The following DCT variants were observed in gnomAD, a reference collection of about 807,000 sequenced individuals.
The protein encoded by DCT is dopachrome tautomerase.
In DCT, 47 loss-of-function variants were observed where a neutral mutation model predicts 53.0. The observed-to-expected ratio is 0.89, with a 90% CI of 0.70 to 1.13. The LOEUF is 1.13. Ranked by LOEUF, DCT falls within the 50% of genes most tolerant of loss-of-function variation. The pLI is 0.00. For synonymous variants in DCT, 244 were observed against 237.0 expected (o/e 1.03, Z -0.27); for missense variants, 669 against 637.4 (o/e 1.05, Z -0.53).
At position 94,462,196 on chromosome 13, in the gene DCT, T is replaced by C; in HGVS notation, c.864-7A>G. The C allele has an allele frequency of 6.2e-7, 1 of 1,606,238 alleles. No individual in the cohort carries two copies. The highest frequency in any genetic ancestry group is 8.5e-7 in the Non-Finnish European group (1 of 1,173,190). On this transcript the variant is annotated splice_region_variant and splice_polypyrimidine_tract_variant and intron_variant, in intron 4 of 7. Coordinates refer to ENST00000377028, the MANE Select transcript of DCT (RefSeq NM_001922.5). ...GTGGTTGTAGTCATCCAAGCTAAGA[T>C]TTGTAATAAGATTTAAAATAATATA...
At chr13:94,478,146 A>ACCCCCCCCCCCCCCCCCCCCCCCCCCCCC (rs1470108013) in intron 1 of DCT, among the ~76,000 whole-genome samples, 1 of 101,972 alleles carries the variant, frequency 9.8e-6, no homozygotes, top group Non-Finnish European at 2.1e-5. Flanking sequence ...TCTAATAACA[A>ACCCCCCCCCCCCCCCCCCCCCCCCCCCCC]CCCCCCGCCC....
chr13:94,461,720 G>A (rs896120664), intron 5 of DCT, among the ~76,000 whole-genome samples: 2 of 152,142 alleles, frequency 1.3e-5, no homozygotes, highest in Non-Finnish European at 2.9e-5. Context: ...TATATTTAAT[G>A]AAGTACCCTG....
the DCT span, among the ~76,000 whole-genome samples, chr13:94,505,222 C>T: frequency 2.0e-5 from 3 of 150,862 alleles, no homozygotes; most frequent in Non-Finnish European, 4.4e-5. Context: ...TTGACACACG[C>T]ATTTTATCAT....
upstream of DCT, among the ~76,000 whole-genome samples, chr13:94,483,684 T>C (rs150946098): frequency 2.4e-4 from 37 of 152,212 alleles, no homozygotes; most frequent in East Asian, 4.4e-3. Flanking sequence ...GTATTTTCAG[T>C]AGAGACGAAG....
intron 6 of DCT, among the ~76,000 whole-genome samples, chr13:94,451,208 T>C (rs1594283610): frequency 6.6e-6 from 1 of 152,190 alleles, no homozygotes; most frequent in Admixed American, 6.5e-5. Context: ...ATTTAAAAAC[T>C]AGTATTGAAT....
chr13:94,494,066 C>A, the DCT span, among the ~76,000 whole-genome samples: 1 of 152,148 alleles, frequency 6.6e-6, no homozygotes, highest in Non-Finnish European at 1.5e-5. Flanking sequence ...TTAGGAGATT[C>A]CACCTAAAAG....
intron 6 of DCT, among the ~76,000 whole-genome samples, chr13:94,445,378 C>G (rs1882648425): frequency 6.6e-6 from 1 of 152,168 alleles, no homozygotes; most frequent in South Asian, 2.1e-4. Flanking sequence ...AATAAGCAGT[C>G]CAGCTGTCCT....
rs1346174103 is a variant in DCT at position 94,464,667 on chromosome 13, A to T, written c.863+966T>A. Among the ~76,000 whole-genome samples, 3 of 152,030 alleles carry T rather than the reference A, an allele frequency of 2.0e-5. No individual in the cohort carries two copies. The East Asian group carries it at 5.8e-4, about 29-fold the overall frequency. Reference sequence around the variant, plus strand: ...AAAACAAAAAAACAAAAAACAAAAAACAAAACAAATTTTGGAGGAAAAAAA... The same window carrying T: ...AAAACAAAAAAACAAAAAACAAAAATCAAAACAAATTTTGGAGGAAAAAAA... On this transcript the variant is annotated intron_variant, in intron 4 of 7. Coordinates refer to ENST00000377028, the MANE Select transcript of DCT (RefSeq NM_001922.5).
the DCT span, among the ~76,000 whole-genome samples, chr13:94,548,494 A>G: frequency 6.6e-6 from 1 of 151,976 alleles, no homozygotes; most frequent in African/African-American, 2.4e-5. Context: ...CTATTTTCCT[A>G]CGACACAAAT....
At chr13:94,544,306 G>A in the DCT span, among the ~76,000 whole-genome samples, 1 of 152,106 alleles carries the variant, frequency 6.6e-6, no homozygotes, top group Non-Finnish European at 1.5e-5. Context: ...CTCCATAAAC[G>A]GTGACTATCA....
At chr13:94,514,178 C>T in the DCT span, among the ~76,000 whole-genome samples, 9 of 152,096 alleles carry the variant, frequency 5.9e-5, no homozygotes, top group East Asian at 5.8e-4. Context: ...CCTACTGTGC[C>T]GGGAACATCA....
At chr13:94,528,814 G>T in the DCT span, among the ~76,000 whole-genome samples, 6 of 124,460 alleles carry the variant, frequency 4.8e-5, no homozygotes, top group African/African-American at 2.0e-4. Context: ...ATGTAAATGG[G>T]CTAAAGCCCC....
chr13:94,542,189 C>T, the DCT span, among the ~76,000 whole-genome samples: 3 of 152,018 alleles, frequency 2.0e-5, no homozygotes, highest in African/African-American at 7.2e-5. Context: ...AATTCTCAGG[C>T]ATTGCATCTC....
chr13:94,445,976 C>T (rs1882701656), intron 6 of DCT, among the ~76,000 whole-genome samples: 1 of 152,056 alleles, frequency 6.6e-6, no homozygotes, highest in African/African-American at 2.4e-5. Context: ...CCTCTGGGTT[C>T]CAGGAAGGAG....
At chr13:94,451,089 C>T (rs1883051433) in intron 6 of DCT, among the ~76,000 whole-genome samples, 1 of 152,080 alleles carries the variant, frequency 6.6e-6, no homozygotes, top group East Asian at 1.9e-4. Context: ...AGAAACACTG[C>T]CACCCTGGGG....
chr13:94,515,046 C>A, the DCT span, among the ~76,000 whole-genome samples: 1 of 152,268 alleles, frequency 6.6e-6, no homozygotes, highest in East Asian at 1.9e-4. Flanking sequence ...AAAGAGACTG[C>A]AGAAAAATCT....
At chr13:94,464,844 T>C (rs892983609) in intron 4 of DCT, among the ~76,000 whole-genome samples, 9 of 152,114 alleles carry the variant, frequency 5.9e-5, no homozygotes, top group Admixed American at 3.3e-4. Flanking sequence ...GTGTATGGTC[T>C]TTAGTATGTC....
chr13:94,537,907 A>G, the DCT span, among the ~76,000 whole-genome samples: 1 of 152,176 alleles, frequency 6.6e-6, no homozygotes, highest in Non-Finnish European at 1.5e-5. Flanking sequence ...TGCAGTGGTG[A>G]CCCACCATTG....
At chr13:94,536,564 G>A in the DCT span, among the ~76,000 whole-genome samples, 1,265 of 152,222 alleles carry the variant, frequency 8.3e-3, 8 homozygotes, top group Middle Eastern at 0.034. Flanking sequence ...AGAGCTGGTT[G>A]TTAAAAAGGG....
Sources: allele counts gnomAD v4.1 joint callset (sites outside exome capture counted in the v4.1 genomes callset), GRCh38; gene constraint gnomAD v4.1.1; transcripts MANE v1.5; gene names NCBI Gene and HGNC (gene_info 2026-07-23, HGNC 2026-07-21).